Variants in CRPPA observed in about 807,000 individuals in gnomAD.
The protein encoded by CRPPA is CDP-L-ribitol pyrophosphorylase A.
Under a neutral mutation model 52.0 loss-of-function variants are expected in CRPPA, and 43 were observed. That is an observed-to-expected ratio of 0.83 (90% CI 0.65 to 1.07). The LOEUF is 1.07. CRPPA is among the 50% of genes least tolerant of loss of function. CRPPA has a pLI of 0.00. For synonymous variants in CRPPA, 250 were observed against 203.5 expected (o/e 1.23, Z -1.94); for missense variants, 629 against 551.7 (o/e 1.14, Z -1.40).
At chr7:16,336,180 G>C (rs951980286) in intron 3 of CRPPA, among the ~76,000 whole-genome samples, 5 of 152,124 alleles carry the variant, frequency 3.3e-5, no homozygotes, top group African/African-American at 1.2e-4. Flanking sequence ...AAATCTCAAT[G>C]GTGTAGATAG....
chr7:16,310,185 T>C (rs1176623293), intron 3 of CRPPA, among the ~76,000 whole-genome samples: 2 of 152,036 alleles, frequency 1.3e-5, no homozygotes, highest in Admixed American at 6.6e-5. Context: ...ATATCATTGA[T>C]CACATGAGAA....
chr7:16,250,559 G>A (rs143981533), intron 8 of CRPPA, among the ~76,000 whole-genome samples: 2,253 of 152,228 alleles, frequency 0.015, 64 homozygotes, highest in African/African-American at 0.05. Context: ...AAGAGAGTGG[G>A]GGCCAATATT....
intron 9 of CRPPA, among the ~76,000 whole-genome samples, chr7:16,133,539 G>T (rs1782714521): frequency 8.0e-6 from 1 of 124,260 alleles, no homozygotes; most frequent in African/African-American, 2.6e-5. Context: ...TGCTTAAAAT[G>T]CTGTGTGATG....
At chr7:16,221,631 C>T (rs1410346993) in intron 8 of CRPPA, among the ~76,000 whole-genome samples, 4 of 151,876 alleles carry the variant, frequency 2.6e-5, no homozygotes, top group East Asian at 1.9e-4. Flanking sequence ...AGAAAGTGGG[C>T]GAAGGACATG....
chr7:16,252,737 G>C (rs1311726529), intron 8 of CRPPA, among the ~76,000 whole-genome samples: 1 of 152,046 alleles, frequency 6.6e-6, no homozygotes, highest in Non-Finnish European at 1.5e-5. Flanking sequence ...TCTGGTCCTG[G>C]ATTTTTTTTG....
chr7:16,415,851 G>T (rs531974300), intron 1 of CRPPA, among the ~76,000 whole-genome samples: 1 of 152,270 alleles, frequency 6.6e-6, no homozygotes, highest in East Asian at 1.9e-4. Context: ...TTAACTAGAG[G>T]CAAGACTAGC....
At chr7:16,371,021 C>G (rs1413416792) in intron 3 of CRPPA, among the ~76,000 whole-genome samples, 1 of 152,200 alleles carries the variant, frequency 6.6e-6, no homozygotes, top group Non-Finnish European at 1.5e-5. Context: ...AGCCAGAACA[C>G]TGGAACAGGA....
intron 9 of CRPPA, among the ~76,000 whole-genome samples, chr7:16,143,208 A>C (rs1175893439): frequency 6.6e-6 from 1 of 152,160 alleles, no homozygotes; most frequent in African/African-American, 2.4e-5. Context: ...ACCTGCAGAC[A>C]ATTTTCCTCT....
At chr7:16,314,595 G>A (rs1009979478) in intron 3 of CRPPA, among the ~76,000 whole-genome samples, 1 of 151,968 alleles carries the variant, frequency 6.6e-6, no homozygotes, top group African/African-American at 2.4e-5. Flanking sequence ...TTACAAGGCA[G>A]GTCTACTGGC....
At chr7:16,197,436 C>G (rs189602463) in intron 9 of CRPPA, among the ~76,000 whole-genome samples, 16 of 152,088 alleles carry the variant, frequency 1.1e-4, no homozygotes, top group Admixed American at 5.9e-4. Flanking sequence ...TTCCTGGGCT[C>G]AAGCGATCCT....
intron 8 of CRPPA, among the ~76,000 whole-genome samples, chr7:16,232,644 C>T (rs1782831821): frequency 6.6e-6 from 1 of 152,130 alleles, no homozygotes; most frequent in Non-Finnish European, 1.5e-5. Context: ...GGTCTTCCCT[C>T]AGTTGTGGGA....
chr7:16,254,549 G>A (rs1783561574), intron 8 of CRPPA, among the ~76,000 whole-genome samples: 1 of 151,878 alleles, frequency 6.6e-6, no homozygotes, highest in African/African-American at 2.4e-5. Context: ...GAGAACACTT[G>A]GACACAGGGT....
At chr7:16,118,003 T>C (rs969947942) in intron 9 of CRPPA, among the ~76,000 whole-genome samples, 11 of 152,196 alleles carry the variant, frequency 7.2e-5, no homozygotes, top group Admixed American at 7.2e-4. Context: ...TGTGTTCTAA[T>C]GTAATTACAT....
chr7:16,360,964 A>G (rs982865707), intron 3 of CRPPA, among the ~76,000 whole-genome samples: 1 of 152,198 alleles, frequency 6.6e-6, no homozygotes, highest in African/African-American at 2.4e-5. Context: ...TGTATAAATC[A>G]TACCTGAAAA....
intron 8 of CRPPA, among the ~76,000 whole-genome samples, chr7:16,241,320 T>C (rs551985370): frequency 6.6e-6 from 1 of 152,172 alleles, no homozygotes; most frequent in African/African-American, 2.4e-5. Flanking sequence ...CTTTTGAAGG[T>C]TATGTTTCTC....
At chr7:16,117,186 T>C (rs992632579) in intron 9 of CRPPA, among the ~76,000 whole-genome samples, 4 of 152,214 alleles carry the variant, frequency 2.6e-5, no homozygotes, top group Non-Finnish European at 5.9e-5. Flanking sequence ...ATTCCTTTTG[T>C]TGTATCTTCC....
chr7:16,419,265 C>A (rs1410856089), intron 1 of CRPPA, among the ~76,000 whole-genome samples: 1 of 152,198 alleles, frequency 6.6e-6, no homozygotes, highest in Admixed American at 6.5e-5. Flanking sequence ...ATATGAGAAC[C>A]TGAAACTGCC....
chr7:16,198,653 AAC>A (rs1781786957), intron 9 of CRPPA, among the ~76,000 whole-genome samples: 1 of 148,494 alleles, frequency 6.7e-6, no homozygotes, highest in Admixed American at 6.7e-5. Flanking sequence ...CCTTACGAGA[AAC>A]ACCCACAGGT....
chr7:16,398,872 G>T (rs182292775), intron 2 of CRPPA, among the ~76,000 whole-genome samples: 6 of 152,234 alleles, frequency 3.9e-5, no homozygotes, highest in Admixed American at 1.3e-4. Context: ...TGTCCAACAC[G>T]TGACTCACAC....
Sources: gnomAD v4.1 joint callset for allele counts (sites outside exome capture counted in the v4.1 genomes callset) on GRCh38, gnomAD v4.1.1 for gene constraint, MANE v1.5 for transcripts, NCBI Gene and HGNC (gene_info 2026-07-23, HGNC 2026-07-21) for gene names.